Variants in SUPT3H observed in about 807,000 individuals in gnomAD.
SUPT3H encodes the protein transcription initiation protein SPT3 homolog.
In SUPT3H, 44 loss-of-function variants were observed where a neutral mutation model predicts 44.3. The ratio of observed to expected loss-of-function variants is 0.99; its 90% CI spans 0.78 to 1.28. The LOEUF is 1.28. SUPT3H is among the 50% of genes most tolerant of loss of function. The probability of loss-of-function intolerance (pLI) is 0.00; values close to 1 mark genes in which losing one functional copy is unlikely to be tolerated. For missense variants in SUPT3H, 380 were observed against 387.1 expected, an observed-to-expected ratio of 0.98 and a Z score of 0.15; for synonymous variants, 124 against 125.6, an observed-to-expected ratio of 0.99 and a Z score of 0.09.
At chr6:45,137,584 T>C (rs1044291128) in intron 2 of SUPT3H, among the ~76,000 whole-genome samples, 5 of 151,946 alleles carry the variant, frequency 3.3e-5, no homozygotes, top group Non-Finnish European at 5.9e-5. Flanking sequence ...ACAATTAAGG[T>C]ATTATTCTGC....
chr6:45,308,709 T>A (rs1209568285), intron 2 of SUPT3H, among the ~76,000 whole-genome samples: 2 of 151,302 alleles, frequency 1.3e-5, no homozygotes, highest in African/African-American at 4.9e-5. Flanking sequence ...ACCTGCAAGT[T>A]GTGCACATGT....
chr6:45,113,304 C>T (rs564518328), intron 2 of SUPT3H, among the ~76,000 whole-genome samples: 10 of 152,142 alleles, frequency 6.6e-5, no homozygotes, highest in African/African-American at 2.2e-4. Context: ...CATTCTTACC[C>T]AATATCTGTT....
chr6:45,162,940 T>C (rs1400635823), intron 2 of SUPT3H, among the ~76,000 whole-genome samples: 1 of 152,186 alleles, frequency 6.6e-6, no homozygotes, highest in Non-Finnish European at 1.5e-5. Flanking sequence ...CCAAAGACTG[T>C]CTGCATCCCT....
intron 3 of SUPT3H, among the ~76,000 whole-genome samples, chr6:45,026,985 C>CTTTTTT (rs34588777): frequency 1.1e-5 from 1 of 87,508 alleles, no homozygotes; most frequent in Non-Finnish European, 2.1e-5. Context: ...GCTTTGGATC[C>CTTTTTT]TTTTTTTTTT....
intron 2 of SUPT3H, among the ~76,000 whole-genome samples, chr6:45,242,933 G>A (rs1247343822): frequency 5.9e-5 from 9 of 152,168 alleles, no homozygotes; most frequent in Admixed American, 3.9e-4. Flanking sequence ...GGTGGCTCAC[G>A]CCTGTAATCC....
intron 2 of SUPT3H, among the ~76,000 whole-genome samples, chr6:45,185,116 C>T (rs1004875874): frequency 2.0e-5 from 3 of 152,152 alleles, no homozygotes; most frequent in Admixed American, 6.5e-5. Context: ...TTACATTCCC[C>T]TCTGTGGATC....
At chr6:45,273,621 A>G (rs1343683020) in intron 2 of SUPT3H, among the ~76,000 whole-genome samples, 1 of 152,224 alleles carries the variant, frequency 6.6e-6, no homozygotes, top group Non-Finnish European at 1.5e-5. Context: ...AACTTTTAAA[A>G]GACCCCTTGT....
chr6:44,965,463 A>C (rs151031519), intron 6 of SUPT3H, among the ~76,000 whole-genome samples: 1 of 152,320 alleles, frequency 6.6e-6, no homozygotes, highest in East Asian at 1.9e-4. Flanking sequence ...CAGCATAGTC[A>C]AGGGAGTTCA....
chr6:45,280,996 G>C (rs1036929622), intron 2 of SUPT3H, among the ~76,000 whole-genome samples: 14 of 152,326 alleles, frequency 9.2e-5, no homozygotes, highest in African/African-American at 3.4e-4. Flanking sequence ...GATGTAACCA[G>C]ATGTAGATTA....
At chr6:45,366,741 G>A (rs574524691) in intron 1 of SUPT3H, among the ~76,000 whole-genome samples, 1 of 152,160 alleles carries the variant, frequency 6.6e-6, no homozygotes, top group East Asian at 1.9e-4. Flanking sequence ...AGTCACTTGG[G>A]CTCAAAGTCT....
At chr6:45,100,393 A>C (rs999250834) in intron 3 of SUPT3H, among the ~76,000 whole-genome samples, 20 of 151,942 alleles carry the variant, frequency 1.3e-4, no homozygotes, top group African/African-American at 4.8e-4. Flanking sequence ...AAAAATAGGC[A>C]AAAGAGCTGA....
chr6:45,041,214 T>C (rs1202461786), intron 3 of SUPT3H, among the ~76,000 whole-genome samples: 1 of 151,992 alleles, frequency 6.6e-6, no homozygotes, highest in Non-Finnish European at 1.5e-5. Context: ...ATAAGTAAAA[T>C]AAAAAACTCA....
At chr6:45,131,650 AC>A in intron 2 of SUPT3H, among the ~76,000 whole-genome samples, 1 of 152,364 alleles carries the variant, frequency 6.6e-6, no homozygotes, top group Admixed American at 6.5e-5. Context: ...ATTCAGATTG[AC>A]GGAATATGTA....
intron 2 of SUPT3H, among the ~76,000 whole-genome samples, chr6:45,199,621 C>T (rs1266103093): frequency 6.6e-6 from 1 of 151,268 alleles, no homozygotes; most frequent in Non-Finnish European, 1.5e-5. Flanking sequence ...GTAGGTAATT[C>T]AATAGTCAGA....
intron 2 of SUPT3H, among the ~76,000 whole-genome samples, chr6:45,256,965 T>C (rs1035032672): frequency 1.3e-5 from 2 of 152,332 alleles, no homozygotes; most frequent in Admixed American, 1.3e-4. Context: ...GATGTAGAAT[T>C]GCTAGGTCAT....
intron 11 of SUPT3H, among the ~76,000 whole-genome samples, chr6:44,813,007 G>A (rs1766641345): frequency 6.6e-6 from 1 of 152,144 alleles, no homozygotes; most frequent in Non-Finnish European, 1.5e-5. Context: ...AATCTTATTG[G>A]GTTAGGGGTT....
rs146360105 is a variant in SUPT3H, at chr6:45,039,695, G to A, written c.187-19063C>T. Reference sequence around the variant, plus strand: ...CTTGGGAGGCTAAGGCAGGATAATCGCTTGAACCTGGGAGGTGGAGGTTCC... The same window carrying A: ...CTTGGGAGGCTAAGGCAGGATAATCACTTGAACCTGGGAGGTGGAGGTTCC... On this transcript the variant is annotated intron_variant, in intron 3 of 10. Coordinates refer to ENST00000371459, the MANE Select transcript of SUPT3H (RefSeq NM_003599.4). Among the ~76,000 whole-genome samples, 35 of 152,022 alleles carry A rather than the reference G, an allele frequency of 2.3e-4. 1 individual carries two copies. The highest frequency in any genetic ancestry group is 7.2e-4 in the African/African-American group (30 of 41,458).
At chr6:45,230,662 C>CTATA (rs66480751) in intron 2 of SUPT3H, among the ~76,000 whole-genome samples, 1 of 68,718 alleles carries the variant, frequency 1.5e-5, no homozygotes, top group Admixed American at 1.4e-4. Flanking sequence ...TTCATTCAGT[C>CTATA]TATATATATA....
chr6:45,368,879 G>A (rs1795581611), intron 1 of SUPT3H, among the ~76,000 whole-genome samples: 1 of 151,718 alleles, frequency 6.6e-6, no homozygotes. Context: ...AACAATTATG[G>A]TTAAGCCAAC....
Sources: allele counts gnomAD v4.1 joint callset (sites outside exome capture counted in the v4.1 genomes callset), GRCh38; gene constraint gnomAD v4.1.1; transcripts MANE v1.5; gene names NCBI Gene and HGNC (gene_info 2026-07-23, HGNC 2026-07-21).